Variants in CALCRL observed in about 807,000 individuals in gnomAD.
The protein encoded by CALCRL is calcitonin gene-related peptide type 1 receptor.
A neutral mutation model predicts 60.4 loss-of-function variants in CALCRL; 27 were observed. The ratio of observed to expected loss-of-function variants is 0.45; its 90% CI spans 0.33 to 0.62. CALCRL has a LOEUF of 0.62. Among genes scored for constraint, CALCRL ranks in the 20% least tolerant of loss-of-function variants. CALCRL has a pLI of 0.03. For synonymous variants in CALCRL, 190 were observed against 182.6 expected, an observed-to-expected ratio of 1.04 and a Z score of -0.33; for missense variants, 424 against 540.7, an observed-to-expected ratio of 0.78 and a Z score of 2.14.
At chr2:187,366,355 G>A (rs1350059205) in intron 8 of CALCRL, among the ~76,000 whole-genome samples, 1 of 151,474 alleles carries the variant, frequency 6.6e-6, no homozygotes, top group Non-Finnish European at 1.5e-5. Context: ...GGATTATGTG[G>A]GCATATTGCA....
In CALCRL at chr2:187,365,807, AAG is replaced by A. The variant is rs376385300; in HGVS notation, c.501-2307_501-2306del. Among the ~76,000 whole-genome samples the A allele has an allele frequency of 1.9e-3, 293 of 152,334 alleles. 1 individual carries two copies. Among genetic ancestry groups the A allele is most frequent in the African/African-American group, 6.7e-3 (279 of 41,570 alleles). On this transcript the variant is annotated intron_variant, in intron 8 of 14. Coordinates refer to ENST00000392370, the MANE Select transcript of CALCRL (RefSeq NM_005795.6). ...ATGAAATAAGCCATGAACAGAAAGAAAGACTGCATGCTCTCACTCACTTGTGG... is the reference window on the plus strand; with the variant it reads ...ATGAAATAAGCCATGAACAGAAAGAAACTGCATGCTCTCACTCACTTGTGG...
In CALCRL at chr2:187,380,556, G is replaced by C. The variant is rs376650641; in HGVS notation, c.319C>G (p.Gln107Glu). The C allele has an allele frequency of 1.4e-5, 22 of 1,611,478 alleles. No homozygotes were observed. The highest frequency in any genetic ancestry group is 1.9e-5 in the Non-Finnish European group (22 of 1,178,582). Residue 107 changes from glutamine to glutamate, a missense_variant, in exon 7 of 15, where the codon CAA (glutamine) becomes GAA (glutamate). Coordinates refer to ENST00000392370, the MANE Select transcript of CALCRL (RefSeq NM_005795.6). ...PSEKVTKICD[Q>E]DGNWFRHPAS... The stretch of plus-strand genomic sequence containing the variant: ...GGATGTCTAAACCAGTTTCCATCTT[G>C]GTCACAGATCTTTGTAACTTTTTCT...
intron 8 of CALCRL, among the ~76,000 whole-genome samples, chr2:187,374,381 A>G (rs551710109): frequency 3.3e-5 from 5 of 152,348 alleles, no homozygotes; most frequent in Admixed American, 2.6e-4. Flanking sequence ...GTCAATTAAA[A>G]TAATGAAGTG....
At chr2:187,373,770 A>T (rs921571052) in intron 8 of CALCRL, among the ~76,000 whole-genome samples, 2 of 152,178 alleles carry the variant, frequency 1.3e-5, no homozygotes, top group Non-Finnish European at 2.9e-5. Context: ...CATTTTTAAT[A>T]TGTATAACTG....
chr2:187,355,847 A>G (rs1686754496), intron 12 of CALCRL, among the ~76,000 whole-genome samples: 1 of 152,142 alleles, frequency 6.6e-6, no homozygotes, highest in Non-Finnish European at 1.5e-5. Flanking sequence ...GCATTCCTAT[A>G]CAACAATAAT....
chr2:187,368,039 G>A (rs1276630915), intron 8 of CALCRL, among the ~76,000 whole-genome samples: 1 of 152,032 alleles, frequency 6.6e-6, no homozygotes, highest in Non-Finnish European at 1.5e-5. Context: ...TTCAGACAGT[G>A]AATCTGAACT....
intron 14 of CALCRL, among the ~76,000 whole-genome samples, chr2:187,347,492 A>G (rs1023884896): frequency 1.3e-5 from 2 of 151,810 alleles, no homozygotes; most frequent in Non-Finnish European, 2.9e-5. Context: ...GTACTGAGGT[A>G]TAATTGTTTA....
chr2:187,398,456 C>T (rs1188088589), intron 1 of CALCRL, among the ~76,000 whole-genome samples: 1 of 151,604 alleles, frequency 6.6e-6, no homozygotes, highest in Non-Finnish European at 1.5e-5. Context: ...ATGGCACCTA[C>T]TAGCACATTC....
chr2:187,414,343 A>G lies in CALCRL; in HGVS notation c.-292-26587T>C, dbSNP rs377321816. 7.9e-5 allele frequency among the ~76,000 whole-genome samples: 12 copies of G among 152,154 alleles called. No homozygotes were observed. The East Asian group carries it at 1.3e-3, about 17-fold the overall frequency. ...GAAAGTTTCTGAATTTCTCAATAGT[A>G]GTCAACCCTACTCCATTCTTAATTA... is the stretch of plus-strand genomic sequence containing the variant. On this transcript the variant is annotated intron_variant, in intron 1 of 14. Coordinates refer to ENST00000392370, the MANE Select transcript of CALCRL (RefSeq NM_005795.6).
chr2:187,377,027 A>G (rs1006792889), intron 8 of CALCRL, among the ~76,000 whole-genome samples: 1 of 152,116 alleles, frequency 6.6e-6, no homozygotes, highest in African/African-American at 2.4e-5. Context: ...TCACTGAGGA[A>G]GTGATGCTAA....
chr2:187,368,865 A>G (rs1687406599), intron 8 of CALCRL, among the ~76,000 whole-genome samples: 1 of 152,184 alleles, frequency 6.6e-6, no homozygotes, highest in Non-Finnish European at 1.5e-5. Flanking sequence ...AACCATAGGC[A>G]GAAAACAACA....
chr2:187,419,790 C>T (rs945386976), intron 1 of CALCRL, among the ~76,000 whole-genome samples: 11 of 152,068 alleles, frequency 7.2e-5, no homozygotes, highest in Non-Finnish European at 4.4e-5. Flanking sequence ...GTTAAAAGAG[C>T]CTCCCTTAAA....
At chr2:187,394,158 T>G (rs1389289923) in intron 1 of CALCRL, among the ~76,000 whole-genome samples, 2 of 152,068 alleles carry the variant, frequency 1.3e-5, no homozygotes, top group Admixed American at 1.3e-4. Flanking sequence ...GATTCCTTGT[T>G]GCTGACTCTG....
At position 187,348,994 on chromosome 2, in the gene CALCRL, C is replaced by G. The variant is rs191640339; in HGVS notation, c.1171-2595G>C. ...GAATGTAACATTACAACTTTATATA[C>G]CCATTAACACCCAATAAGGAACTAA... On this transcript the variant is annotated intron_variant, in intron 14 of 14. Transcript: ENST00000392370. Among the ~76,000 whole-genome samples, 314 of 151,682 alleles carry G rather than the reference C, an allele frequency of 2.1e-3. 2 individuals are homozygous for G. Among genetic ancestry groups the G allele is most frequent in the African/African-American group, 6.9e-3 (288 of 41,470 alleles).
intron 1 of CALCRL, among the ~76,000 whole-genome samples, chr2:187,444,778 A>G (rs953260034): frequency 1.3e-5 from 2 of 151,498 alleles, no homozygotes; most frequent in Non-Finnish European, 3.0e-5. Flanking sequence ...TTTTTGTAAT[A>G]TAGCTTATTA....
intron 1 of CALCRL, among the ~76,000 whole-genome samples, chr2:187,426,302 G>A (rs139735838): frequency 3.4e-5 from 5 of 148,968 alleles, no homozygotes; most frequent in East Asian, 2.0e-4. Flanking sequence ...ATCTTTTCTC[G>A]TGAAAATCTT....
At chr2:187,423,089 T>C (rs1157250993) in intron 1 of CALCRL, among the ~76,000 whole-genome samples, 2 of 152,054 alleles carry the variant, frequency 1.3e-5, no homozygotes, top group Non-Finnish European at 2.9e-5. Context: ...CTCTTCCTTA[T>C]TTCTCGTTTA....
intron 1 of CALCRL, among the ~76,000 whole-genome samples, chr2:187,397,098 A>G (rs1688689310): frequency 6.6e-6 from 1 of 151,786 alleles, no homozygotes; most frequent in African/African-American, 2.4e-5. Context: ...ATTAGATAAT[A>G]CAAACTTCTT....
At chr2:187,399,877 T>C (rs1263685081) in intron 1 of CALCRL, among the ~76,000 whole-genome samples, 3 of 151,464 alleles carry the variant, frequency 2.0e-5, no homozygotes, top group Non-Finnish European at 4.4e-5. Flanking sequence ...TTCTCACTCA[T>C]ATGAAGAAGA....
Sources: gnomAD v4.1 joint callset for allele counts (sites outside exome capture counted in the v4.1 genomes callset) on GRCh38, gnomAD v4.1.1 for gene constraint, MANE v1.5 for transcripts, NCBI Gene and HGNC (gene_info 2026-07-23, HGNC 2026-07-21) for gene names.